The following RFX5 variants were observed in gnomAD, a reference collection of about 807,000 sequenced individuals.
RFX5 encodes the protein DNA-binding protein RFX5.
Under a neutral mutation model 41.2 loss-of-function variants are expected in RFX5, and 30 were observed. The observed-to-expected ratio is 0.73, with a 90% CI of 0.54 to 0.99. The LOEUF (loss-of-function observed/expected upper bound fraction) is 0.99. Among genes scored for constraint, RFX5 ranks in the 50% least tolerant of loss-of-function variants. The pLI is 0.00. For synonymous variants in RFX5, 231 were observed against 291.8 expected, an observed-to-expected ratio of 0.79 and a Z score of 2.12; for missense variants, 715 against 773.6, an observed-to-expected ratio of 0.92 and a Z score of 0.90.
intron 2 of RFX5, 52 bp from the exon 3 acceptor site, chr1:151,346,385 TC>T: frequency 2.8e-6 from 4 of 1,419,790 alleles, no homozygotes; most frequent in Non-Finnish European, 4.0e-6. Context: ...GGCCTTCCCT[TC>T]CCCAGAAGGC....
chr1:151,344,687 C>T lies in RFX5; in HGVS notation c.353+41G>A, dbSNP rs1248526266. On this transcript the variant is annotated intron_variant, in intron 6 of 10. Coordinates refer to ENST00000452671, the MANE Select transcript of RFX5 (RefSeq NM_001025603.2). ...TCTTCATGGGTGAGGGGGTCCTATGCCCACCAATCCACTCATCCCACCACC... is the reference window on the plus strand; with the variant it reads ...TCTTCATGGGTGAGGGGGTCCTATGTCCACCAATCCACTCATCCCACCACC... 23 of 1,551,310 alleles carry T rather than the reference C, an allele frequency of 1.5e-5. No homozygotes were observed. The South Asian group carries it at 2.4e-4, about 16-fold the overall frequency.
At position 151,341,130 on chromosome 1, in the gene RFX5, GA is replaced by G. The variant is rs1178514038; in HGVS notation, c.*1055del. 1 of 152,314 alleles carries G rather than the reference GA, an allele frequency of 6.6e-6. No individual in the cohort carries two copies. Among genetic ancestry groups the G allele is most frequent in the East Asian group, 1.9e-4 (1 of 5,204 alleles). The allele number at this position is 152,314 out of a possible 1,614,324, so 9.4% of individuals were successfully genotyped here. On this transcript the variant is annotated 3_prime_UTR_variant, in exon 11 of 11. Coordinates refer to ENST00000452671, the MANE Select transcript of RFX5 (RefSeq NM_001025603.2). Reference sequence around the variant, plus strand: ...GTGGAACTGGCAATAGGGTGAGAGGGAAGCAGGAATGAGAAGACAAAAATTA... The same window carrying G: ...GTGGAACTGGCAATAGGGTGAGAGGGAGCAGGAATGAGAAGACAAAAATTA...
intron 4 of RFX5, chr1:151,345,462 A>G: frequency 2.6e-6 from 1 of 382,832 alleles, no homozygotes; most frequent in Non-Finnish European, 5.0e-6. Flanking sequence ...ACAAAAAAAA[A>G]TTAGCTGGGT....
intron 5 of RFX5, 119 bp downstream of exon 5, chr1:151,344,987 G>C (rs781018012): frequency 2.2e-5 from 34 of 1,546,194 alleles, no homozygotes; most frequent in Non-Finnish European, 2.9e-5. Context: ...TCAGGGCGAG[G>C]ACCTTTCCTC....
chr1:151,344,591 G>A, intron 6 of RFX5, 55 bp from the exon 7 acceptor site: 1 of 1,613,216 alleles, frequency 6.2e-7, no homozygotes, highest in Non-Finnish European at 8.5e-7. Context: ...GCCATGGGTA[G>A]GCTCGAAGAG....
rs754036790 is a variant in RFX5, at chr1:151,342,835, G to A, written c.1202C>T (p.Ala401Val). Residue 401 changes from alanine (A) to valine (V), a missense_variant, in exon 11 of 11, where the codon GCT (alanine) becomes GTT (valine). Coordinates refer to ENST00000452671, the MANE Select transcript of RFX5 (RefSeq NM_001025603.2). ...LPGPGPGPGRAPPGGLTQPRG... is the reference protein window; with the variant it reads ...LPGPGPGPGRVPPGGLTQPRG... ...GGGCTGAGTGAGTCCCCCAGGTGGAGCTCGCCCAGGCCCAGGTCCAGGTCC... is the reference window on the plus strand; with the variant it reads ...GGGCTGAGTGAGTCCCCCAGGTGGAACTCGCCCAGGCCCAGGTCCAGGTCC... 2.9e-5 allele frequency: 47 copies of A among 1,613,978 alleles called. No homozygotes were observed. The highest frequency in any genetic ancestry group is 3.5e-5 in the Non-Finnish European group (41 of 1,179,972).
chr1:151,343,208 G>C (rs199900192), intron 10 of RFX5, 30 bp from the exon 11 acceptor site: 2 of 1,610,858 alleles, frequency 1.2e-6, no homozygotes, highest in Non-Finnish European at 1.7e-6. Flanking sequence ...ACACAGTAAG[G>C]TGTGAAGAAT....
chr1:151,344,703 T>TGGC, intron 6 of RFX5, 25 bp downstream of exon 6: 2 of 1,515,576 alleles, frequency 1.3e-6, no homozygotes, highest in Non-Finnish European at 1.8e-6. Flanking sequence ...AATCCACTCA[T>TGGC]CCCACCACCC....
Position 151,342,920 on chromosome 1 carries a change from C to A in RFX5, c.1117G>T (p.Ala373Ser). Reference sequence around the variant, plus strand: ...ATGATGGGCACAGCTGCTGGGGGTGCCCCGGCCCTACTAGACAGAGGCAGT... The same window carrying A: ...ATGATGGGCACAGCTGCTGGGGGTGACCCGGCCCTACTAGACAGAGGCAGT... ...ATLPLSSRAG[A>S]PPAAVPIINM... Residue 373 changes from alanine to serine, a missense_variant, in exon 11 of 11, where the codon GCA becomes TCA. Transcript: ENST00000452671. 1 of 1,614,144 alleles carries A rather than the reference C, an allele frequency of 6.2e-7. No individual in the cohort carries two copies.
rs138110902 is a variant in RFX5, at chr1:151,346,542, A to C, written c.-67T>G. ...TACTTCGCCAGGCCCATATATGCCC[A>C]AAGAGATCTTTGCCATCTCCATTCT... On this transcript the variant is annotated 5_prime_UTR_variant, in exon 2 of 11. Transcript: ENST00000452671. 1,121 of 540,520 alleles carry C rather than the reference A, an allele frequency of 2.1e-3. 10 individuals are homozygous for C. Among genetic ancestry groups the C allele is most frequent in the African/African-American group, 0.019 (998 of 52,618 alleles). 33.5% of individuals were successfully genotyped at this position (540,520 alleles called of 1,614,324 possible).
chr1:151,342,844 G>T lies in RFX5; in HGVS notation c.1193C>A (p.Pro398His). The change falls in exon 11 of 11, where the codon CCT becomes CAT. Residue 398 changes from proline to histidine, a missense_variant. Physicochemically the swap from Pro to His is moderately conservative, Grantham distance 77 (BLOSUM62 -2). Coordinates refer to ENST00000452671, the MANE Select transcript of RFX5 (RefSeq NM_001025603.2). ...GAGTCCCCCAGGTGGAGCTCGCCCA[G>T]GCCCAGGTCCAGGTCCAGGCAAAGC... Reference protein sequence around the residue: ...VPALPGPGPGPGRAPPGGLTQ... With the variant: ...VPALPGPGPGHGRAPPGGLTQ... 1 of 1,614,058 alleles carries T rather than the reference G, an allele frequency of 6.2e-7. No homozygotes were observed. The highest frequency in any genetic ancestry group is 8.5e-7 in the Non-Finnish European group (1 of 1,179,940).
Position 151,342,296 on chromosome 1 carries a change from C to T in RFX5, c.1741G>A (p.Ala581Thr). 2 of 1,614,156 alleles carry T rather than the reference C, an allele frequency of 1.2e-6. No homozygotes were observed. Among genetic ancestry groups the T allele is most frequent in the Non-Finnish European group, 1.7e-6 (2 of 1,180,028 alleles). The change falls in exon 11 of 11, where the codon GCA becomes ACA. Residue 581 changes from alanine to threonine, a missense_variant. Physicochemically the swap from Ala to Thr is moderately conservative, Grantham distance 58. Transcript: ENST00000452671. ...SRSQKEAFPL[A>T]KGEVDTAPQG... ...GGTGCAGTGTCTACCTCTCCCTTTGCCAAAGGAAAAGCCTCCTTTTGGCTT... is the reference window on the plus strand; with the variant it reads ...GGTGCAGTGTCTACCTCTCCCTTTGTCAAAGGAAAAGCCTCCTTTTGGCTT...
At position 151,343,156 on chromosome 1, in the gene RFX5, C is replaced by A; in HGVS notation, c.881G>T (p.Arg294Leu). 9.9e-6 allele frequency: 16 copies of A among 1,611,384 alleles called. No homozygotes were observed. The highest frequency in any genetic ancestry group is 1.4e-5 in the Non-Finnish European group (16 of 1,180,020). The change falls in exon 11 of 11, where the codon CGA becomes CTA. Residue 294 changes from arginine to leucine, a missense_variant. Coordinates refer to ENST00000452671, the MANE Select transcript of RFX5 (RefSeq NM_001025603.2). ...ACGTGCGAGAGGACCGGCCCCAGTT[C>A]GGGCTTCCAGATCCTTAGGAGGCTA... ...LAQPPKDLEA[R>L]TGAGPLARGE...
At position 151,344,716 on chromosome 1, in the gene RFX5, C is replaced by A; in HGVS notation, c.353+12G>T. ...CCAATCCACTCATCCCACCACCCAC[C>A]CCTCCACCCACCGATAGGCATCATA... On this transcript the variant is annotated intron_variant, in intron 6 of 10. Transcript: ENST00000452671. 6.4e-7 allele frequency: 1 copy of A among 1,556,136 alleles called. No homozygotes were observed. Among genetic ancestry groups the A allele is most frequent in the South Asian group, 1.2e-5 (1 of 84,796 alleles).
chr1:151,345,236 G>A lies in RFX5; in HGVS notation c.151-48C>T, dbSNP rs1461036760. On this transcript the variant is annotated intron_variant, in intron 4 of 10. Transcript: ENST00000452671. ...CAGGAGAAATAATAAGGCCAAGAAG[G>A]ACCCAATATAGGACCCTCTGATCCC... The A allele has an allele frequency of 9.0e-6, 13 of 1,444,570 alleles. No individual in the cohort carries two copies. The South Asian group carries it at 1.4e-4, about 15-fold the overall frequency. The allele number at this position is 1,444,570 out of a possible 1,614,324, so 89.5% of individuals were successfully genotyped here.
At position 151,342,830 on chromosome 1, in the gene RFX5, G is replaced by C. The variant is rs760699089; in HGVS notation, c.1207C>G (p.Pro403Ala). ...CCCCGGGGCTGAGTGAGTCCCCCAG[G>C]TGGAGCTCGCCCAGGCCCAGGTCCA... ...GPGPGPGRAP[P>A]GGLTQPRGTE... Residue 403 changes from proline (P) to alanine (A), a missense_variant, in exon 11 of 11, where the codon CCT becomes GCT. By Grantham distance (27) the Pro-to-Ala change is conservative. Coordinates refer to ENST00000452671, the MANE Select transcript of RFX5 (RefSeq NM_001025603.2). 2.4e-5 allele frequency: 39 copies of C among 1,613,964 alleles called. No homozygotes were observed. Among genetic ancestry groups the C allele is most frequent in the South Asian group, 2.0e-4 (18 of 91,086 alleles).
intron 4 of RFX5, among the ~76,000 whole-genome samples, chr1:151,345,628 A>G (rs1302670547): frequency 1.3e-5 from 2 of 151,560 alleles, no homozygotes; most frequent in Non-Finnish European, 2.9e-5. Context: ...AAAAAAAAAA[A>G]AGAAAGAAAT....
At chr1:151,343,480 G>C (rs1390793525) in intron 9 of RFX5, 38 bp from the exon 10 acceptor site, 8 of 1,561,190 alleles carry the variant, frequency 5.1e-6, no homozygotes, top group Non-Finnish European at 7.1e-6. Context: ...GTGAAGGTGA[G>C]GAGGAAACTG....
chr1:151,343,541 A>T (rs1345325037), intron 9 of RFX5, 99 bp from the exon 10 acceptor site: 6 of 1,415,344 alleles, frequency 4.2e-6, no homozygotes, highest in Non-Finnish European at 5.9e-6. Flanking sequence ...AGAGACAGGA[A>T]ATGGGGTGCT....
Sources: allele counts gnomAD v4.1 joint callset (sites outside exome capture counted in the v4.1 genomes callset), GRCh38; gene constraint gnomAD v4.1.1; transcripts MANE v1.5; gene names NCBI Gene and HGNC (gene_info 2026-07-23, HGNC 2026-07-21).